Variants in SCFD2 observed in about 807,000 individuals in gnomAD.
The protein encoded by SCFD2 is sec1 family domain-containing protein 2.
A neutral mutation model predicts 58.9 loss-of-function variants in SCFD2; 54 were observed. The observed-to-expected ratio is 0.92, with a 90% CI of 0.74 to 1.15. SCFD2 has a LOEUF of 1.15. SCFD2 is among the 50% of genes most tolerant of loss of function. SCFD2 has a pLI of 0.00. For synonymous variants in SCFD2, 321 were observed against 335.9 expected, an observed-to-expected ratio of 0.96 and a Z score of 0.49; for missense variants, 805 against 836.6, an observed-to-expected ratio of 0.96 and a Z score of 0.47.
intron 5 of SCFD2, among the ~76,000 whole-genome samples, chr4:52,973,554 GAC>G (rs1281648557): frequency 2.0e-5 from 3 of 152,156 alleles, no homozygotes; most frequent in African/African-American, 7.2e-5. Flanking sequence ...AAAACTCCAG[GAC>G]CAGAAGGATT....
intron 2 of SCFD2, among the ~76,000 whole-genome samples, chr4:53,338,793 G>C (rs1413333682): frequency 6.6e-6 from 1 of 151,594 alleles, no homozygotes; most frequent in East Asian, 1.9e-4. Flanking sequence ...TTTTAGCTGG[G>C]ATGGTCTTGA....
At chr4:53,025,347 T>C (rs1227029982) in intron 5 of SCFD2, among the ~76,000 whole-genome samples, 1 of 152,252 alleles carries the variant, frequency 6.6e-6, no homozygotes, top group African/African-American at 2.4e-5. Context: ...ATAAACATTC[T>C]TGTTAATCTA....
At chr4:52,985,823 T>C (rs770650227) in intron 5 of SCFD2, among the ~76,000 whole-genome samples, 72 of 151,972 alleles carry the variant, frequency 4.7e-4, no homozygotes, top group Non-Finnish European at 9.7e-4. Flanking sequence ...ATTCCAGCTG[T>C]GTTCACCTAT....
chr4:52,974,195 A>G (rs1263398251), intron 5 of SCFD2, among the ~76,000 whole-genome samples: 1 of 152,194 alleles, frequency 6.6e-6, no homozygotes, highest in Non-Finnish European at 1.5e-5. Flanking sequence ...GAAGGAAATA[A>G]AGGGCATTCA....
chr4:52,897,285 C>T lies in SCFD2; in HGVS notation c.1842+10172G>A, dbSNP rs569353571. Among the ~76,000 whole-genome samples the T allele has an allele frequency of 1.8e-3, 278 of 152,268 alleles. 2 individuals are homozygous for T. The highest frequency in any genetic ancestry group is 2.9e-3 in the Non-Finnish European group (198 of 68,012). On this transcript the variant is annotated intron_variant, in intron 7 of 8. Transcript: ENST00000401642. ...TTTTGCCCATTCAGTATGATATTGG[C>T]TGTGGGTTTGTCATAGATAGCTCTT...
chr4:52,972,931 A>G (rs988649396), intron 5 of SCFD2, among the ~76,000 whole-genome samples: 43 of 152,292 alleles, frequency 2.8e-4, no homozygotes, highest in Middle Eastern at 3.4e-3. Context: ...GGTACATAAC[A>G]AAATGAAGGC....
chr4:53,130,701 A>T (rs562410711), intron 5 of SCFD2, among the ~76,000 whole-genome samples: 1 of 152,264 alleles, frequency 6.6e-6, no homozygotes, highest in African/African-American at 2.4e-5. Context: ...ACTGATCTAC[A>T]ACCTCTGGAA....
intron 8 of SCFD2, among the ~76,000 whole-genome samples, chr4:52,880,576 C>T (rs1718585192): frequency 1.3e-5 from 2 of 148,558 alleles, no homozygotes; most frequent in African/African-American, 2.5e-5. Flanking sequence ...GAGATCATGC[C>T]ACTGCCCTCC....
At chr4:53,363,339 G>A (rs184356185) in intron 1 of SCFD2, among the ~76,000 whole-genome samples, 1 of 151,836 alleles carries the variant, frequency 6.6e-6, no homozygotes, top group East Asian at 2.0e-4. Flanking sequence ...TGTAGAGATT[G>A]AGTTTTGCTG....
intron 4 of SCFD2, among the ~76,000 whole-genome samples, chr4:53,250,315 C>A (rs1397979596): frequency 6.6e-6 from 1 of 152,106 alleles, no homozygotes; most frequent in African/African-American, 2.4e-5. Flanking sequence ...TCCTTAGAGA[C>A]CTACAAAGAG....
At chr4:53,292,337 T>C (rs1325860287) in intron 3 of SCFD2, among the ~76,000 whole-genome samples, 2 of 152,058 alleles carry the variant, frequency 1.3e-5, no homozygotes, top group South Asian at 2.1e-4. Context: ...TCTACAAGGA[T>C]ATTAAACAAA....
At chr4:53,191,260 G>A (rs775364685) in intron 4 of SCFD2, among the ~76,000 whole-genome samples, 3 of 151,972 alleles carry the variant, frequency 2.0e-5, no homozygotes, top group Non-Finnish European at 2.9e-5. Flanking sequence ...AGCTGAGATC[G>A]TGCCACTGTA....
intron 3 of SCFD2, among the ~76,000 whole-genome samples, chr4:53,303,645 A>G (rs1732411663): frequency 6.6e-6 from 1 of 152,172 alleles, no homozygotes. Flanking sequence ...ATAAAGACAC[A>G]TGCACATGTA....
intron 3 of SCFD2, among the ~76,000 whole-genome samples, chr4:53,294,801 T>G (rs1332697281): frequency 6.6e-6 from 1 of 152,028 alleles, no homozygotes; most frequent in South Asian, 2.1e-4. Flanking sequence ...TAATCCATCT[T>G]GAGTTGATTT....
intron 4 of SCFD2, among the ~76,000 whole-genome samples, chr4:53,251,946 C>T (rs1310442142): frequency 5.3e-5 from 8 of 152,014 alleles, no homozygotes; most frequent in African/African-American, 1.7e-4. Flanking sequence ...GTCAAATTGT[C>T]CCTGTTTGCA....
At position 53,074,722 on chromosome 4, in the gene SCFD2, A is replaced by C. The variant is rs555536492; in HGVS notation, c.1561+70611T>G. 1.2e-4 allele frequency among the ~76,000 whole-genome samples: 19 copies of C among 152,140 alleles called. 2 individuals are homozygous for C. The highest frequency in any genetic ancestry group is 4.6e-4 in the African/African-American group (19 of 41,530). On this transcript the variant is annotated intron_variant, in intron 5 of 8. Transcript: ENST00000401642. ...CATTGTTAATAAGCAGAAAAAAGGA[A>C]CTTTTTTTTCTGAGCAGTGGTTCTC...
chr4:53,312,556 A>T (rs1460139163), intron 3 of SCFD2, among the ~76,000 whole-genome samples: 2 of 152,330 alleles, frequency 1.3e-5, no homozygotes, highest in African/African-American at 2.4e-5. Flanking sequence ...TATCATCATT[A>T]TGTTCCTTGC....
chr4:53,094,900 T>C (rs946706669), intron 5 of SCFD2, among the ~76,000 whole-genome samples: 31 of 152,256 alleles, frequency 2.0e-4, no homozygotes, highest in African/African-American at 5.3e-4. Context: ...CTATTGCTTT[T>C]GTCACCAATC....
At chr4:53,313,946 G>T (rs532514304) in intron 2 of SCFD2, among the ~76,000 whole-genome samples, 183 bp from the exon 3 acceptor site, 5 of 152,076 alleles carry the variant, frequency 3.3e-5, no homozygotes, top group Non-Finnish European at 7.4e-5. Flanking sequence ...AAAATATTGA[G>T]AAATTAAGGA....
Sources: gnomAD v4.1 joint callset for allele counts (sites outside exome capture counted in the v4.1 genomes callset) on GRCh38, gnomAD v4.1.1 for gene constraint, MANE v1.5 for transcripts, NCBI Gene and HGNC (gene_info 2026-07-23, HGNC 2026-07-21) for gene names.